The following NKD1 variants were observed in gnomAD, a reference collection of about 807,000 sequenced individuals.
The protein encoded by NKD1 is protein naked cuticle homolog 1.
NKD1 carries 21 observed loss-of-function variants against 56.0 expected under a neutral mutation model. The ratio of observed to expected loss-of-function variants is 0.38; its 90% confidence interval spans 0.27 to 0.54. The LOEUF is 0.54. Ranked by LOEUF, NKD1 falls within the 20% of genes least tolerant of loss-of-function variation. The pLI is 0.82. For missense variants in NKD1, 578 were observed against 642.7 expected (o/e 0.90, Z 1.09); for synonymous variants, 263 against 265.7 (o/e 0.99, Z 0.10).
chr16:50,620,748 G>T (rs1371055655), intron 4 of NKD1, among the ~76,000 whole-genome samples: 1 of 152,166 alleles, frequency 6.6e-6, no homozygotes, highest in African/African-American at 2.4e-5. Context: ...GGGATCCTAG[G>T]TCAAGGACAA....
intron 3 of NKD1, among the ~76,000 whole-genome samples, chr16:50,592,606 AAGCC>A (rs1400986350): frequency 1.3e-5 from 2 of 152,246 alleles, no homozygotes; most frequent in Non-Finnish European, 2.9e-5. Context: ...GGGAGCCTGC[AAGCC>A]ACAAGTAGTT....
intron 3 of NKD1, among the ~76,000 whole-genome samples, chr16:50,599,750 CAA>C (rs898927543): frequency 5.3e-5 from 8 of 152,202 alleles, no homozygotes; most frequent in Admixed American, 5.2e-4. Flanking sequence ...AGACAAACAG[CAA>C]AGTCTCCCCA....
rs1305568662 is a variant in NKD1 at position 50,621,583 on chromosome 16, T to A, written c.260-19T>A. ...TCTGGACCCTGCTCCTAATGCTCCC[T>A]CGCCTGCCTCCCCGACAGTGGCCCT... On this transcript the variant is annotated intron_variant, in intron 4 of 9. Transcript: ENST00000268459. 6.3e-7 allele frequency: 1 copy of A among 1,597,122 alleles called. No individual in the cohort carries two copies. The highest frequency in any genetic ancestry group is 8.6e-7 in the Non-Finnish European group (1 of 1,165,870).
intron 4 of NKD1, among the ~76,000 whole-genome samples, chr16:50,615,359 A>C (rs529577708): frequency 6.6e-6 from 1 of 152,310 alleles, no homozygotes; most frequent in South Asian, 2.1e-4. Context: ...ATCTCAGGGT[A>C]TAGATATTGG....
At chr16:50,601,597 T>C (rs1477648026) in intron 3 of NKD1, among the ~76,000 whole-genome samples, 1 of 152,174 alleles carries the variant, frequency 6.6e-6, no homozygotes, top group African/African-American at 2.4e-5. Context: ...TCTGAGAAGC[T>C]GCCGATGAGA....
At chr16:50,588,250 A>G (rs1961271929) in intron 3 of NKD1, among the ~76,000 whole-genome samples, 1 of 152,240 alleles carries the variant, frequency 6.6e-6, no homozygotes, top group African/African-American at 2.4e-5. Context: ...TTTCTTAAAG[A>G]TTTAAATGCT....
At chr16:50,549,676 T>G in intron 3 of NKD1, 121 bp downstream of exon 3, 2 of 1,013,042 alleles carry the variant, frequency 2.0e-6, no homozygotes, top group Non-Finnish European at 2.7e-6. Flanking sequence ...TGAAAATCTC[T>G]TCTCAGCTGC....
chr16:50,633,055 A>C lies in NKD1; in HGVS notation c.824-137A>C, dbSNP rs1336702227. On this transcript the variant is annotated intron_variant, in intron 9 of 9. Transcript: ENST00000268459. This position sits in a 1 kb window ranked among gnomAD's most constrained non-coding sequence, Gnocchi z 4.9. ...TTCCATTTCAGAGAGTTTTCCTGCA[A>C]GGCAGTGAGGGGCAGTCAGGGCATT... is the stretch of plus-strand genomic sequence containing the variant. 2 of 716,690 alleles carry C rather than the reference A, an allele frequency of 2.8e-6. No individual in the cohort carries two copies. Among genetic ancestry groups the C allele is most frequent in the African/African-American group, 1.8e-5 (1 of 54,156 alleles). 44.4% of individuals were successfully genotyped at this position (716,690 alleles called of 1,614,324 possible).
chr16:50,578,536 C>T (rs1320152182), intron 3 of NKD1, among the ~76,000 whole-genome samples: 2 of 152,146 alleles, frequency 1.3e-5, no homozygotes, highest in Admixed American at 6.5e-5. Flanking sequence ...AAGATTCTGC[C>T]TCTTTTACTG....
rs779633623 is a variant in NKD1, at chr16:50,600,349, G to T, written c.193-7945G>T. Among the ~76,000 whole-genome samples the T allele has an allele frequency of 2.0e-5, 3 of 151,922 alleles. No individual in the cohort carries two copies. In the East Asian group the frequency reaches 5.8e-4, roughly 29 times the overall value. ...TTAGCTGGGTACGGTGGCCTGTGTC[G>T]GTGGGAGTCGCAGATACTCAGGAGA... On this transcript the variant is annotated intron_variant, in intron 3 of 9. Transcript: ENST00000268459.
chr16:50,562,401 C>G, intron 3 of NKD1: 1 of 370,492 alleles, frequency 2.7e-6, no homozygotes, highest in Non-Finnish European at 3.7e-6. Context: ...TCATTTTGTA[C>G]ATTTTTAGGT....
chr16:50,612,600 G>A (rs1223940512), intron 4 of NKD1, among the ~76,000 whole-genome samples: 1 of 152,206 alleles, frequency 6.6e-6, no homozygotes, highest in Admixed American at 6.5e-5. Context: ...CCCAGGGAGA[G>A]GTAGAGTGAG....
intron 2 of NKD1, chr16:50,549,007 G>C: frequency 2.4e-6 from 2 of 831,580 alleles, no homozygotes; most frequent in Non-Finnish European, 2.8e-6. Context: ...GGCTCTCACG[G>C]CACCCTCTCT....
chr16:50,608,550 T>G, intron 4 of NKD1, 190 bp downstream of exon 4: 1 of 620,218 alleles, frequency 1.6e-6, no homozygotes, highest in Non-Finnish European at 3.0e-6. Context: ...TGGTACTTCA[T>G]AGGTCCAAGC....
Position 50,641,567 on chromosome 16 carries a change from C to T in NKD1, c.*7786C>T, listed in dbSNP as rs983625997. ...CTCCTGTTCCCACATGGCTGCAATCCGCCCGCCTCTTCCAATGGTGCACAT... is the reference window on the plus strand; with the variant it reads ...CTCCTGTTCCCACATGGCTGCAATCTGCCCGCCTCTTCCAATGGTGCACAT... On this transcript the variant is annotated 3_prime_UTR_variant, in exon 10 of 10. Coordinates refer to ENST00000268459, the MANE Select transcript of NKD1 (RefSeq NM_033119.5). The T allele has an allele frequency of 2.0e-5, 3 of 152,176 alleles. No individual in the cohort carries two copies. The highest frequency in any genetic ancestry group is 4.4e-5 in the Non-Finnish European group (3 of 68,034). The allele number at this position is 152,176 out of a possible 1,614,324, so 9.4% of individuals were successfully genotyped here. A position where few individuals can be genotyped will look rare whatever the true frequency, so the allele number is the denominator to read the frequency against.
intron 3 of NKD1, among the ~76,000 whole-genome samples, chr16:50,585,889 C>T (rs766587959): frequency 1.4e-4 from 22 of 152,200 alleles, no homozygotes; most frequent in Non-Finnish European, 3.1e-4. Flanking sequence ...CCCTGTTTAA[C>T]GGACATACTC....
intron 3 of NKD1, among the ~76,000 whole-genome samples, chr16:50,600,796 G>C (rs1378220687): frequency 6.6e-6 from 1 of 152,142 alleles, no homozygotes; most frequent in Non-Finnish European, 1.5e-5. Context: ...GGAGTATGGT[G>C]GTTTCAGAGT....
intron 2 of NKD1, 50 bp downstream of exon 2, chr16:50,548,799 C>T: frequency 7.4e-7 from 1 of 1,348,262 alleles, no homozygotes; most frequent in South Asian, 1.9e-5. Context: ...GGGGACACCG[C>T]GGCCGCGGCA....
rs1292727990 is a variant in NKD1 at position 50,623,240 on chromosome 16, A to T, written c.366+1532A>T. 6.7e-6 allele frequency among the ~76,000 whole-genome samples: 1 copy of T among 149,810 alleles called. No individual in the cohort carries two copies. The highest frequency in any genetic ancestry group is 1.5e-5 in the Non-Finnish European group (1 of 67,554). ...TGGTGACCGATCTTACCCCCTTTCC[A>T]GTGTCATCTCCCTGCCATGCCCCAC... is the stretch of plus-strand genomic sequence containing the variant. On this transcript the variant is annotated intron_variant, in intron 5 of 9. Coordinates refer to ENST00000268459, the MANE Select transcript of NKD1 (RefSeq NM_033119.5). This position sits in a 1 kb window ranked among gnomAD's most constrained non-coding sequence, Gnocchi z 4.1.
Sources: allele counts gnomAD v4.1 joint callset (sites outside exome capture counted in the v4.1 genomes callset), GRCh38; gene constraint gnomAD v4.1.1; non-coding constraint Gnocchi (gnomAD v3.1); transcripts MANE v1.5; gene names NCBI Gene and HGNC (gene_info 2026-07-23, HGNC 2026-07-21).